DTNA: variants seen among roughly 807,000 people sequenced by gnomAD.
DTNA encodes the protein dystrobrevin alpha.
DTNA carries 43 observed loss-of-function variants against 100.7 expected under a neutral mutation model. That is an observed-to-expected ratio of 0.43 (90% CI 0.33 to 0.55). The LOEUF (loss-of-function observed/expected upper bound fraction) is 0.55. Ranked by LOEUF, DTNA falls within the 20% of genes least tolerant of loss-of-function variation. DTNA has a pLI of 0.04. For missense variants in DTNA, 798 were observed against 953.9 expected (o/e 0.84, Z 2.15); for synonymous variants, 349 against 347.9 (o/e 1.00, Z -0.04).
chr18:34,743,097 A>C (rs1251364415), intron 1 of DTNA, among the ~76,000 whole-genome samples: 1 of 152,162 alleles, frequency 6.6e-6, no homozygotes, highest in African/African-American at 2.4e-5. Context: ...GGACATAATT[A>C]AAAGCCTTAT....
intron 18 of DTNA, among the ~76,000 whole-genome samples, chr18:34,876,143 A>G (rs2150334998): frequency 6.6e-6 from 1 of 152,318 alleles, no homozygotes; most frequent in South Asian, 2.1e-4. Context: ...TTTTGTGTAA[A>G]TAGATATGTT....
intron 1 of DTNA, among the ~76,000 whole-genome samples, chr18:34,536,412 C>T (rs1240097522): frequency 6.6e-6 from 1 of 151,736 alleles, no homozygotes; most frequent in Non-Finnish European, 1.5e-5. Context: ...GGTTCTTATT[C>T]CCGGACCATC....
chr18:34,770,712 G>A (rs572976041), intron 3 of DTNA, among the ~76,000 whole-genome samples: 67 of 151,530 alleles, frequency 4.4e-4, no homozygotes, highest in Middle Eastern at 3.4e-3. Flanking sequence ...ATTTGTAATC[G>A]ATTTGATAAC....
chr18:34,746,156 G>C (rs1211742904), intron 1 of DTNA, among the ~76,000 whole-genome samples: 1 of 150,150 alleles, frequency 6.7e-6, no homozygotes, highest in Admixed American at 6.6e-5. Flanking sequence ...CTTATTGCAA[G>C]GTTAATTAAA....
intron 2 of DTNA, among the ~76,000 whole-genome samples, chr18:34,757,550 AT>A (rs1316399452): frequency 6.6e-6 from 1 of 152,194 alleles, no homozygotes. Flanking sequence ...TTATTCAATG[AT>A]TTTGTAAATC....
chr18:34,812,477 C>G (rs576993000), intron 6 of DTNA, among the ~76,000 whole-genome samples: 9 of 152,302 alleles, frequency 5.9e-5, no homozygotes, highest in Admixed American at 3.3e-4. Flanking sequence ...ACAGTTCCGC[C>G]TCAGGAAACT....
chr18:34,847,911 C>A (rs2149861338), intron 13 of DTNA, among the ~76,000 whole-genome samples: 1 of 152,278 alleles, frequency 6.6e-6, no homozygotes, highest in South Asian at 2.1e-4. Context: ...TGATGTTTTT[C>A]TTTCTTCTTG....
intron 1 of DTNA, among the ~76,000 whole-genome samples, chr18:34,665,130 A>C (rs780612312): frequency 1.3e-5 from 2 of 152,098 alleles, no homozygotes; most frequent in Non-Finnish European, 2.9e-5. Context: ...AAAGGGCAAG[A>C]CCTGAGCATT....
intron 1 of DTNA, among the ~76,000 whole-genome samples, chr18:34,560,926 A>C (rs1291771266): frequency 6.6e-6 from 1 of 152,208 alleles, no homozygotes; most frequent in African/African-American, 2.4e-5. Flanking sequence ...TGTCTCAAAA[A>C]ATAAAATTTG....
intron 14 of DTNA, among the ~76,000 whole-genome samples, chr18:34,850,826 GAT>G (rs937334446): frequency 6.6e-6 from 1 of 151,638 alleles, no homozygotes; most frequent in African/African-American, 2.4e-5. Context: ...TACACAAACA[GAT>G]ATATATATAT....
chr18:34,673,998 A>G (rs2077092884), intron 1 of DTNA, among the ~76,000 whole-genome samples: 1 of 152,246 alleles, frequency 6.6e-6, no homozygotes, highest in Admixed American at 6.5e-5. Context: ...ATTGTGAAGT[A>G]CACACATGTT....
intron 3 of DTNA, among the ~76,000 whole-genome samples, chr18:34,782,345 A>G (rs1161284683): frequency 6.6e-6 from 1 of 152,228 alleles, no homozygotes; most frequent in Non-Finnish European, 1.5e-5. Context: ...GTTTCAAAAT[A>G]TACATGACCC....
intron 20 of DTNA, 78 bp downstream of exon 20, chr18:34,879,797 T>C: frequency 6.4e-7 from 1 of 1,563,046 alleles, no homozygotes; most frequent in African/African-American, 1.4e-5. Context: ...AAAAGCATAA[T>C]TGTTTAGGGT....
chr18:34,722,764 TA>T (rs766533784), intron 1 of DTNA, among the ~76,000 whole-genome samples: 8 of 152,146 alleles, frequency 5.3e-5, no homozygotes, highest in Non-Finnish European at 1.2e-4. Context: ...TTTCAGTCAC[TA>T]TAGATTAGTT....
At chr18:34,540,511 C>T (rs1223199465) in intron 1 of DTNA, among the ~76,000 whole-genome samples, 2 of 151,956 alleles carry the variant, frequency 1.3e-5, no homozygotes, top group Admixed American at 1.3e-4. Context: ...ATAACAGACA[C>T]TCATACAGTG....
At position 34,816,648 on chromosome 18, in the gene DTNA, C is replaced by T. The variant is rs191423730; in HGVS notation, c.709+634C>T. 2.0e-5 allele frequency among the ~76,000 whole-genome samples: 3 copies of T among 152,270 alleles called. No individual in the cohort carries two copies. In the East Asian group the frequency reaches 5.8e-4, roughly 29 times the overall value. ...ACATGGAGCAGTTCAGTGCCTCCATCTAATCTTTAGGTGTTCCTACTTATT... is the reference window on the plus strand; with the variant it reads ...ACATGGAGCAGTTCAGTGCCTCCATTTAATCTTTAGGTGTTCCTACTTATT... On this transcript the variant is annotated intron_variant, in intron 7 of 22. Transcript: ENST00000444659.
Position 34,884,785 on chromosome 18 carries a change from C to T in DTNA, c.*31+9C>T, listed in dbSNP as rs2096906644. On this transcript the variant is annotated intron_variant, in intron 22 of 22. Coordinates refer to ENST00000444659, the MANE Select transcript of DTNA (RefSeq NM_001386795.1). Reference sequence around the variant, plus strand: ...TATCACACTCCTCTCAAGTAAGTACCATCTTATTTAGGAGGAATCATGGCC... The same window carrying T: ...TATCACACTCCTCTCAAGTAAGTACTATCTTATTTAGGAGGAATCATGGCC... The T allele has an allele frequency of 1.2e-6, 2 of 1,613,692 alleles. No homozygotes were observed. Among genetic ancestry groups the T allele is most frequent in the Non-Finnish European group, 1.7e-6 (2 of 1,179,764 alleles).
At position 34,816,126 on chromosome 18, in the gene DTNA, C is replaced by G. The variant is rs2095591404; in HGVS notation, c.709+112C>G. ...TTTTAGGGAAGCCTATTTAGTGGCT[C>G]TTAGTTTTGTTTAGGGTAGAACTAA... is the stretch of plus-strand genomic sequence containing the variant. On this transcript the variant is annotated intron_variant, in intron 7 of 22. Coordinates refer to ENST00000444659, the MANE Select transcript of DTNA (RefSeq NM_001386795.1). The G allele has an allele frequency of 4.5e-6, 5 of 1,108,942 alleles. 1 individual carries two copies. In the African/African-American group the frequency reaches 4.6e-5, roughly 10 times the overall value. The allele number at this position is 1,108,942 out of a possible 1,614,324, so 68.7% of individuals were successfully genotyped here. A position where few individuals can be genotyped will look rare whatever the true frequency, so the allele number is the denominator to read the frequency against.
chr18:34,778,696 T>A (rs1459226908), intron 3 of DTNA, among the ~76,000 whole-genome samples: 1 of 152,222 alleles, frequency 6.6e-6, no homozygotes, highest in Non-Finnish European at 1.5e-5. Flanking sequence ...AGCACATGGT[T>A]AAGTGACCTT....
Sources: allele counts gnomAD v4.1 joint callset (sites outside exome capture counted in the v4.1 genomes callset), GRCh38; gene constraint gnomAD v4.1.1; transcripts MANE v1.5; gene names NCBI Gene and HGNC (gene_info 2026-07-23, HGNC 2026-07-21).